The following DGKB variants were observed in gnomAD, a reference collection of about 807,000 sequenced individuals.
DGKB encodes 90 kDa diacylglycerol kinase.
A neutral mutation model predicts 114.3 loss-of-function variants in DGKB; 67 were observed. The ratio of observed to expected loss-of-function variants is 0.59; its 90% CI spans 0.48 to 0.72. The LOEUF (loss-of-function observed/expected upper bound fraction) is 0.72, where lower values mean the gene tolerates loss of function less well. DGKB is among the 30% of genes least tolerant of loss of function. The pLI is 0.00. For synonymous variants in DGKB, 398 were observed against 323.1 expected, an observed-to-expected ratio of 1.23 and a Z score of -2.49; for missense variants, 907 against 975.2, an observed-to-expected ratio of 0.93 and a Z score of 0.93.
At chr7:14,529,685 T>C (rs1253903066) in intron 20 of DGKB, among the ~76,000 whole-genome samples, 2 of 151,812 alleles carry the variant, frequency 1.3e-5, no homozygotes, top group Admixed American at 6.6e-5. Context: ...CTTGATTACT[T>C]TCAAATTCTG....
intron 17 of DGKB, among the ~76,000 whole-genome samples, chr7:14,590,806 A>G (rs1028794778): frequency 6.6e-6 from 1 of 152,124 alleles, no homozygotes; most frequent in South Asian, 2.1e-4. Context: ...ACACCTTACT[A>G]TTCACATGTT....
At chr7:14,490,475 T>G (rs190497873) in intron 20 of DGKB, among the ~76,000 whole-genome samples, 9 of 152,298 alleles carry the variant, frequency 5.9e-5, no homozygotes, top group African/African-American at 2.2e-4. Context: ...AAATACATTC[T>G]GATTTTCCTG....
At chr7:14,456,785 A>G (rs1832347000) in intron 21 of DGKB, among the ~76,000 whole-genome samples, 1 of 152,086 alleles carries the variant, frequency 6.6e-6, no homozygotes, top group Non-Finnish European at 1.5e-5. Context: ...AATTGACATG[A>G]TTTTTTTCTA....
intron 14 of DGKB, among the ~76,000 whole-genome samples, chr7:14,621,949 A>G (rs1340813174): frequency 2.0e-5 from 3 of 152,110 alleles, no homozygotes; most frequent in Non-Finnish European, 4.4e-5. Flanking sequence ...AAAATAGCAT[A>G]TATCTTAAAA....
intron 23 of DGKB, among the ~76,000 whole-genome samples, chr7:14,259,770 G>A (rs939371268): frequency 2.0e-5 from 3 of 151,938 alleles, no homozygotes; most frequent in African/African-American, 7.2e-5. Flanking sequence ...CGTTTGCCTT[G>A]TAACTATAGA....
chr7:14,514,403 A>G (rs1183396492), intron 20 of DGKB, among the ~76,000 whole-genome samples: 2 of 152,180 alleles, frequency 1.3e-5, no homozygotes, highest in African/African-American at 2.4e-5. Flanking sequence ...CCTCAAAGCT[A>G]CTTACAAGTA....
At chr7:14,803,353 C>T (rs1322714875) in intron 2 of DGKB, among the ~76,000 whole-genome samples, 3 of 152,064 alleles carry the variant, frequency 2.0e-5, no homozygotes, top group Non-Finnish European at 2.9e-5. Context: ...CTTAGTGATG[C>T]TTTTATGTTT....
At chr7:14,332,079 T>A (rs1809818116) in intron 23 of DGKB, among the ~76,000 whole-genome samples, 1 of 150,474 alleles carries the variant, frequency 6.6e-6, no homozygotes, top group African/African-American at 2.4e-5. Flanking sequence ...TGGGGCTACT[T>A]ATCTGAGTTT....
chr7:14,255,529 A>G (rs73069652), intron 23 of DGKB, among the ~76,000 whole-genome samples: 10,098 of 152,264 alleles, frequency 0.066, 419 homozygotes, highest in East Asian at 0.18. Context: ...AAGCACATCC[A>G]GAGATTACTT....
chr7:14,632,061 A>G (rs1004163161), intron 13 of DGKB, among the ~76,000 whole-genome samples: 1 of 152,004 alleles, frequency 6.6e-6, no homozygotes, highest in African/African-American at 2.4e-5. Flanking sequence ...TGGAAAGCCA[A>G]GTGAAAAGAT....
At chr7:14,290,841 G>A (rs754936528) in intron 23 of DGKB, among the ~76,000 whole-genome samples, 1 of 151,974 alleles carries the variant, frequency 6.6e-6, no homozygotes, top group South Asian at 2.1e-4. Flanking sequence ...CTGCTATTAC[G>A]GACTTAAGTA....
rs531357464 is a variant in DGKB, at chr7:14,734,795, A to C, written c.322+1246T>G. Among the ~76,000 whole-genome samples, 9 of 152,352 alleles carry C rather than the reference A, an allele frequency of 5.9e-5. No individual in the cohort carries two copies. The East Asian group carries it at 1.4e-3, about 23-fold the overall frequency. On this transcript the variant is annotated intron_variant, in intron 5 of 25. Coordinates refer to ENST00000402815, the MANE Select transcript of DGKB (RefSeq NM_001350709.2). Reference sequence around the variant, plus strand: ...ATCAATAGATATCATCCACATAAACATAAGTTCCTTCAGGTCTTCAATTTT... The same window carrying C: ...ATCAATAGATATCATCCACATAAACCTAAGTTCCTTCAGGTCTTCAATTTT...
At chr7:14,526,209 T>A (rs1434604882) in intron 20 of DGKB, among the ~76,000 whole-genome samples, 1 of 152,152 alleles carries the variant, frequency 6.6e-6, no homozygotes, top group Non-Finnish European at 1.5e-5. Flanking sequence ...TCAGGTTTTT[T>A]AAAACCTCAC....
At chr7:14,700,625 C>T in intron 7 of DGKB, among the ~76,000 whole-genome samples, 1 of 152,234 alleles carries the variant, frequency 6.6e-6, no homozygotes, top group Admixed American at 6.5e-5. Context: ...TAATCTCTCT[C>T]TGGAGAAGCT....
At position 14,689,194 on chromosome 7, in the gene DGKB, C is replaced by CTATTTTTTT. The variant is rs1563917251; in HGVS notation, c.712-3833_712-3832insAAAAAAATA. On this transcript the variant is annotated intron_variant, in intron 9 of 25. Transcript: ENST00000402815. The stretch of plus-strand genomic sequence containing the variant: ...AATTATGACAATGTGACAGAAACTC[C>CTATTTTTTT]TCTTATTTTTTTTTTTTTTTTTTTT... Among the ~76,000 whole-genome samples the CTATTTTTTT allele has an allele frequency of 1.2e-3, 110 of 92,328 alleles. 1 individual carries two copies. Among genetic ancestry groups the CTATTTTTTT allele is most frequent in the Non-Finnish European group, 2.2e-3 (97 of 44,240 alleles). 60.6% of individuals were successfully genotyped at this position (92,328 alleles called of 152,430 possible).
Position 14,260,109 on chromosome 7 carries a change from AACACACACACAC to A in DGKB, c.2122+78394_2122+78405del, listed in dbSNP as rs72000049. Among the ~76,000 whole-genome samples the A allele has an allele frequency of 5.0e-3, 724 of 143,390 alleles. 3 individuals are homozygous for A. The highest frequency in any genetic ancestry group is 0.018 in the African/African-American group (663 of 37,500). 94.1% of individuals were successfully genotyped at this position (143,390 alleles called of 152,430 possible). ...GTGTACACACACACACACACACATG[AACACACACACAC>A]ACACACACACACACACAGTTGAATT... On this transcript the variant is annotated intron_variant, in intron 23 of 25. Transcript: ENST00000402815.
intron 20 of DGKB, among the ~76,000 whole-genome samples, chr7:14,551,066 T>C (rs916384233): frequency 9.8e-6 from 1 of 102,368 alleles, no homozygotes; most frequent in Admixed American, 1.1e-4. Context: ...TTCTGTTAAC[T>C]ATTTCCACTA....
chr7:14,925,864 G>GT (rs1554346365), intron 1 of DGKB, among the ~76,000 whole-genome samples: 2 of 137,754 alleles, frequency 1.5e-5, no homozygotes, highest in African/African-American at 2.7e-5. Flanking sequence ...GAATAATTGG[G>GT]TCCCCCCCCC....
chr7:14,258,620 C>A (rs927682791), intron 23 of DGKB, among the ~76,000 whole-genome samples: 2 of 152,112 alleles, frequency 1.3e-5, no homozygotes, highest in Non-Finnish European at 2.9e-5. Flanking sequence ...GAGGGAACAA[C>A]CCCAGAGACA....
Sources: allele counts gnomAD v4.1 joint callset (sites outside exome capture counted in the v4.1 genomes callset), GRCh38; gene constraint gnomAD v4.1.1; transcripts MANE v1.5; gene names NCBI Gene and HGNC (gene_info 2026-07-23, HGNC 2026-07-21).